The following CRACR2A variants were observed in gnomAD, a reference collection of about 807,000 sequenced individuals.
CRACR2A encodes the protein EF-hand calcium-binding domain-containing protein 4B.
In CRACR2A, 79 loss-of-function variants were observed where a neutral mutation model predicts 90.5. The observed-to-expected ratio is 0.87, with a 90% CI of 0.73 to 1.05. CRACR2A has a LOEUF of 1.05. Ranked by LOEUF, CRACR2A falls within the 50% of genes least tolerant of loss-of-function variation. CRACR2A has a pLI of 0.00. For missense variants in CRACR2A, 823 were observed against 897.2 expected (o/e 0.92, Z 1.06); for synonymous variants, 338 against 356.7 (o/e 0.95, Z 0.59).
intron 1 of CRACR2A, 42 bp from the exon 2 acceptor site, chr12:3,733,252 C>T (rs1442195707): frequency 6.6e-6 from 1 of 152,306 alleles, no homozygotes; most frequent in Non-Finnish European, 1.5e-5. Flanking sequence ...CTCACTTTGA[C>T]TTCAAGCAAT....
intron 13 of CRACR2A, among the ~76,000 whole-genome samples, chr12:3,641,425 A>C (rs530801809): frequency 1.3e-5 from 2 of 152,294 alleles, no homozygotes; most frequent in African/African-American, 4.8e-5. Context: ...ACCCAGCTAC[A>C]CACTCCCTCC....
intron 6 of CRACR2A, among the ~76,000 whole-genome samples, chr12:3,676,063 C>G (rs1945330493): frequency 6.6e-6 from 1 of 151,742 alleles, no homozygotes; most frequent in Admixed American, 6.6e-5. Context: ...CCAATTCTTT[C>G]TTCTATCCCA....
rs570798851 is a variant in CRACR2A, at chr12:3,652,986, AT to A, written c.1046+1225del. On this transcript the variant is annotated intron_variant, in intron 10 of 19. Transcript: ENST00000440314. The stretch of plus-strand genomic sequence containing the variant: ...TAGCAGAACCTGCTATACCAGGATA[AT>A]TTTTTTTTTTTGAGACGGGGAGTCT... Among the ~76,000 whole-genome samples, 469 of 147,226 alleles carry A rather than the reference AT, an allele frequency of 3.2e-3. 1 individual carries two copies. The highest frequency in any genetic ancestry group is 7.7e-3 in the African/African-American group (312 of 40,436).
intron 2 of CRACR2A, among the ~76,000 whole-genome samples, chr12:3,721,264 T>G (rs1946167674): frequency 2.0e-5 from 3 of 151,728 alleles, no homozygotes; most frequent in African/African-American, 7.3e-5. Flanking sequence ...CCAGCCATGA[T>G]GACTCACACC....
At chr12:3,656,165 A>C in intron 9 of CRACR2A, 146 bp downstream of exon 9, 1 of 700,136 alleles carries the variant, frequency 1.4e-6, no homozygotes, top group African/African-American at 1.8e-5. Context: ...CTGTGATTTT[A>C]AATGCTATCT....
chr12:3,700,743 T>C (rs1053056221), intron 3 of CRACR2A, among the ~76,000 whole-genome samples: 1 of 152,084 alleles, frequency 6.6e-6, no homozygotes, highest in Non-Finnish European at 1.5e-5. Flanking sequence ...CAAGGAAAAA[T>C]AGCAAAGTCA....
intron 1 of CRACR2A, among the ~76,000 whole-genome samples, chr12:3,749,631 CT>C (rs1392774580): frequency 6.6e-6 from 1 of 152,230 alleles, no homozygotes; most frequent in Admixed American, 6.5e-5. Context: ...GGACTTCCCC[CT>C]GACCCTGTAC....
chr12:3,693,785 C>G (rs1945692662), intron 4 of CRACR2A, among the ~76,000 whole-genome samples: 1 of 152,100 alleles, frequency 6.6e-6, no homozygotes, highest in Non-Finnish European at 1.5e-5. Flanking sequence ...TATTATGTGT[C>G]TTGAGGATGA....
chr12:3,732,443 A>G (rs535414325), intron 2 of CRACR2A: 1 of 152,322 alleles, frequency 6.6e-6, no homozygotes, highest in African/African-American at 2.4e-5. Flanking sequence ...TCAACCTTCT[A>G]CTGCATCTCA....
chr12:3,701,357 C>A (rs1462337338), intron 3 of CRACR2A, among the ~76,000 whole-genome samples: 1 of 151,246 alleles, frequency 6.6e-6, no homozygotes. Context: ...TAATAAGGAT[C>A]GGAGAAGAAA....
intron 2 of CRACR2A, among the ~76,000 whole-genome samples, chr12:3,722,167 A>G (rs1946190473): frequency 6.6e-6 from 1 of 152,218 alleles, no homozygotes; most frequent in African/African-American, 2.4e-5. Flanking sequence ...TGACTAGCAC[A>G]TAACAGGAGT....
chr12:3,722,973 T>G (rs1946207288), intron 2 of CRACR2A, among the ~76,000 whole-genome samples: 1 of 152,250 alleles, frequency 6.6e-6, no homozygotes, highest in African/African-American at 2.4e-5. Context: ...GTGGATTGAT[T>G]GGGCTGGACA....
intron 7 of CRACR2A, among the ~76,000 whole-genome samples, chr12:3,662,878 GAC>G (rs1447191828): frequency 1.3e-5 from 2 of 152,334 alleles, no homozygotes; most frequent in African/African-American, 2.4e-5. Context: ...AGGGGAAAGA[GAC>G]AACTCATCAT....
chr12:3,741,917 G>C (rs1488191195), intron 1 of CRACR2A, among the ~76,000 whole-genome samples: 1 of 152,224 alleles, frequency 6.6e-6, no homozygotes, highest in African/African-American at 2.4e-5. Flanking sequence ...GTAATGAAGT[G>C]GGCACATGTG....
intron 7 of CRACR2A, among the ~76,000 whole-genome samples, chr12:3,665,453 T>G (rs1294887905): frequency 6.6e-6 from 1 of 152,234 alleles, no homozygotes; most frequent in Non-Finnish European, 1.5e-5. Context: ...TGAAGTGTCC[T>G]ATATCTGAAA....
At chr12:3,620,547 A>G (rs957041352) in intron 17 of CRACR2A, among the ~76,000 whole-genome samples, 2 of 152,236 alleles carry the variant, frequency 1.3e-5, no homozygotes, top group Non-Finnish European at 2.9e-5. Flanking sequence ...GCCATTTAAT[A>G]GGGGAAAAAA....
At chr12:3,622,233 A>C (rs1352995601) in intron 17 of CRACR2A, among the ~76,000 whole-genome samples, 1 of 152,184 alleles carries the variant, frequency 6.6e-6, no homozygotes, top group Non-Finnish European at 1.5e-5. Flanking sequence ...AGACTGTGAG[A>C]GATGTTGGTA....
Position 3,673,496 on chromosome 12 carries a change from CT to C in CRACR2A, c.620del (p.Gln207ArgfsTer16). On this transcript the variant is annotated frameshift_variant, in exon 7 of 20. Coordinates refer to ENST00000440314, the MANE Select transcript of CRACR2A (RefSeq NM_001144958.2). LOFTEE classifies it high-confidence loss of function. ...TCTTCTCCTCATGGGCTTCTTGGAGCTGGGAGATGATTCTGGTCAGGAAGTC... is the reference window on the plus strand; with the variant it reads ...TCTTCTCCTCATGGGCTTCTTGGAGCGGGAGATGATTCTGGTCAGGAAGTC... ...FEDFLTRIIS[Q>X]LQEAHEEKNE... The C allele has an allele frequency of 6.2e-7, 1 of 1,614,184 alleles. No individual in the cohort carries two copies. The highest frequency in any genetic ancestry group is 8.5e-7 in the Non-Finnish European group (1 of 1,180,034).
chr12:3,740,171 T>C, intron 1 of CRACR2A, among the ~76,000 whole-genome samples: 1 of 152,102 alleles, frequency 6.6e-6, no homozygotes, highest in East Asian at 1.9e-4. Flanking sequence ...CCTCTGCAGC[T>C]TCTGCTACCC....
Sources: allele counts gnomAD v4.1 joint callset (sites outside exome capture counted in the v4.1 genomes callset), GRCh38; gene constraint gnomAD v4.1.1; transcripts MANE v1.5; gene names NCBI Gene and HGNC (gene_info 2026-07-23, HGNC 2026-07-21).